NDUFC1: variants seen among roughly 807,000 people sequenced by gnomAD.
NDUFC1 encodes the protein NADH:ubiquinone oxidoreductase subunit C1, also known as NADH dehydrogenase [ubiquinone] 1 subunit C1, mitochondrial.
A neutral mutation model predicts 11.6 loss-of-function variants in NDUFC1; 11 were observed. The observed-to-expected ratio is 0.95, with a 90% CI of 0.60 to 1.58. NDUFC1 has a LOEUF of 1.58. Ranked by LOEUF, NDUFC1 falls within the 40% of genes most tolerant of loss-of-function variation. The pLI is 0.00. For synonymous variants in NDUFC1, 52 were observed against 42.2 expected (o/e 1.23, Z -0.90); for missense variants, 112 against 93.0 (o/e 1.20, Z -0.84).
intron 1 of NDUFC1, among the ~76,000 whole-genome samples, chr4:139,300,031 C>T (rs2110789556): frequency 6.6e-6 from 1 of 152,176 alleles, no homozygotes; most frequent in African/African-American, 2.4e-5. Flanking sequence ...TTCTGTCTTT[C>T]AATAGTTCAG....
chr4:139,302,301 C>G (rs1745814234), intron 1 of NDUFC1, 115 bp downstream of exon 1: 1 of 157,690 alleles, frequency 6.3e-6, no homozygotes. Context: ...CTGTCCCTCC[C>G]TCTTCCTCCT....
intron 5 of NDUFC1, among the ~76,000 whole-genome samples, chr4:139,291,906 G>C (rs913850218): frequency 1.3e-5 from 2 of 151,066 alleles, no homozygotes; most frequent in Non-Finnish European, 2.9e-5. Context: ...GCACGATCTT[G>C]GCTCACTGCA....
chr4:139,301,881 G>T, intron 1 of NDUFC1: 1 of 1,546,928 alleles, frequency 6.5e-7, no homozygotes. Flanking sequence ...GCCGGTAACC[G>T]GGCCTGTCAC....
At chr4:139,294,288 A>T (rs1413216280) in intron 4 of NDUFC1, among the ~76,000 whole-genome samples, 2 of 152,044 alleles carry the variant, frequency 1.3e-5, no homozygotes, top group East Asian at 3.9e-4. Context: ...TACAATTTCC[A>T]ACAATGTATT....
At chr4:139,292,633 A>G in intron 4 of NDUFC1, 24 bp from the exon 5 acceptor site, 2 of 1,406,512 alleles carry the variant, frequency 1.4e-6, no homozygotes, top group Non-Finnish European at 9.9e-7. Flanking sequence ...AACAGTTAAA[A>G]TTAGAAATGT....
intron 1 of NDUFC1, among the ~76,000 whole-genome samples, chr4:139,298,941 G>A (rs964005021): frequency 1.3e-5 from 2 of 151,552 alleles, no homozygotes; most frequent in African/African-American, 4.9e-5. Flanking sequence ...TCCCAGTGTC[G>A]GGATTATAGG....
intron 1 of NDUFC1, among the ~76,000 whole-genome samples, chr4:139,298,762 C>T (rs13145857): frequency 1.8e-4 from 28 of 151,782 alleles, no homozygotes; most frequent in African/African-American, 6.1e-4. Context: ...CAGTCTCGAC[C>T]TCTGGGGCCG....
At chr4:139,301,733 T>C in intron 1 of NDUFC1, 2 of 1,537,736 alleles carry the variant, frequency 1.3e-6, no homozygotes, top group South Asian at 2.4e-5. Flanking sequence ...ACAAACTGAC[T>C]GACCGAGCCG....
chr4:139,292,913 T>C (rs1017492527), intron 4 of NDUFC1, among the ~76,000 whole-genome samples: 2 of 151,882 alleles, frequency 1.3e-5, no homozygotes, highest in African/African-American at 2.4e-5. Context: ...CTCCTTCTTC[T>C]GGGTTCAAGC....
At chr4:139,294,011 G>A (rs574972685) in intron 4 of NDUFC1, among the ~76,000 whole-genome samples, 75 of 138,826 alleles carry the variant, frequency 5.4e-4, no homozygotes, top group Non-Finnish European at 7.4e-4. Context: ...GCACGATCTC[G>A]GCTCACTGCA....
chr4:139,294,043 A>G (rs1421141323), intron 4 of NDUFC1, among the ~76,000 whole-genome samples: 4 of 142,318 alleles, frequency 2.8e-5, no homozygotes, highest in African/African-American at 1.0e-4. Flanking sequence ...CCGGGTTCAC[A>G]CCATTCTGCT....
Position 139,295,948 on chromosome 4 carries a change from C to T in NDUFC1, c.-150G>A, listed in dbSNP as rs956890019. 6 of 708,638 alleles carry T rather than the reference C, an allele frequency of 8.5e-6. 1 individual carries two copies. In the South Asian group the frequency reaches 1.0e-4, roughly 12 times the overall value. The allele number at this position is 708,638 out of a possible 1,614,324, so 43.9% of individuals were successfully genotyped here. On this transcript the variant is annotated 5_prime_UTR_variant, in exon 3 of 6. Coordinates refer to ENST00000394223, the MANE Select transcript of NDUFC1 (RefSeq NM_001184989.2). ...CGGCAAGGTTCTCTAGCACCCCGGC[C>T]TCAGCCTTCTGTCTATACAGTGGAA... is the stretch of plus-strand genomic sequence containing the variant.
intron 4 of NDUFC1, among the ~76,000 whole-genome samples, chr4:139,293,867 A>G (rs1282743950): frequency 6.7e-6 from 1 of 149,790 alleles, no homozygotes; most frequent in African/African-American, 2.4e-5. Context: ...CAACAATAGT[A>G]GGTGCCACGT....
rs1579071163 is a variant in NDUFC1, at chr4:139,301,370, G to A, written c.-222+1046C>T. The A allele has an allele frequency of 9.5e-6, 4 of 419,274 alleles. No homozygotes were observed. The East Asian group carries it at 1.1e-4, about 11-fold the overall frequency. 26.0% of individuals were successfully genotyped at this position (419,274 alleles called of 1,614,324 possible). A position where few individuals can be genotyped will look rare whatever the true frequency, so the allele number is the denominator to read the frequency against. On this transcript the variant is annotated intron_variant, in intron 1 of 5. Coordinates refer to ENST00000394223, the MANE Select transcript of NDUFC1 (RefSeq NM_001184989.2). ...GGGCGGGGCCTGCCCCGACCCTCCC[G>A]GCCTCCACAGGCAGGCCAGCCTCCA...
chr4:139,292,265 A>T (rs1463047866), intron 5 of NDUFC1, among the ~76,000 whole-genome samples: 1 of 152,126 alleles, frequency 6.6e-6, no homozygotes, highest in African/African-American at 2.4e-5. Flanking sequence ...ACATTTTCAG[A>T]AGCTGAGGCA....
At chr4:139,292,335 C>T (rs1169263407) in intron 5 of NDUFC1, among the ~76,000 whole-genome samples, 195 bp downstream of exon 5, 1 of 147,488 alleles carries the variant, frequency 6.8e-6, no homozygotes, top group Non-Finnish European at 1.5e-5. Flanking sequence ...ACAAAAAAAA[C>T]CCCATCCCCC....
chr4:139,295,581 G>T (rs1454293636), intron 3 of NDUFC1, 151 bp downstream of exon 3: 7 of 769,746 alleles, frequency 9.1e-6, no homozygotes, highest in Non-Finnish European at 1.4e-5. Flanking sequence ...CTGCGTAGGG[G>T]ACAGGCGTGG....
Position 139,292,588 on chromosome 4 carries a change from C to A in NDUFC1, c.193G>T (p.Asp65Tyr). The A allele has an allele frequency of 6.4e-7, 1 of 1,566,584 alleles. No individual in the cohort carries two copies. The highest frequency in any genetic ancestry group is 8.7e-7 in the Non-Finnish European group (1 of 1,145,112). ...TTTCTTCTTTTGTACTCTAAAATAT[C>A]TTCATTGTGTTGTTTGATGAGCTAC... The part of the protein sequence containing the change: ...WIYLIKQHNE[D>Y]ILEYKRRNGL... The change falls in exon 5 of 6, where the codon GAT (aspartate) becomes TAT (tyrosine). Residue 65 changes from aspartate (D) to tyrosine (Y), a missense_variant. Coordinates refer to ENST00000394223, the MANE Select transcript of NDUFC1 (RefSeq NM_001184989.2).
chr4:139,300,315 C>G (rs962894287), intron 1 of NDUFC1, among the ~76,000 whole-genome samples: 3 of 152,108 alleles, frequency 2.0e-5, no homozygotes, highest in African/African-American at 7.2e-5. Context: ...GCTACAAAAC[C>G]CAAGTTTATA....
Sources: gnomAD v4.1 joint callset for allele counts (sites outside exome capture counted in the v4.1 genomes callset) on GRCh38, gnomAD v4.1.1 for gene constraint, MANE v1.5 for transcripts, NCBI Gene and HGNC (gene_info 2026-07-23, HGNC 2026-07-21) for gene names.